The following FHIT variants were observed in gnomAD, a reference collection of about 807,000 sequenced individuals.
FHIT encodes bis(5'-adenosyl)-triphosphatase.
In FHIT, 19 loss-of-function variants were observed where a neutral mutation model predicts 17.9. The observed-to-expected ratio is 1.06, with a 90% CI of 0.74 to 1.56. FHIT has a LOEUF of 1.56. Ranked by LOEUF, FHIT falls within the 40% of genes most tolerant of loss-of-function variation. FHIT has a pLI of 0.00. For synonymous variants in FHIT, 81 were observed against 69.7 expected (o/e 1.16, Z -0.81); for missense variants, 248 against 189.2 (o/e 1.31, Z -1.82).
chr3:60,230,202 A>T (rs912945198), intron 5 of FHIT, among the ~76,000 whole-genome samples: 3 of 152,216 alleles, frequency 2.0e-5, no homozygotes, highest in African/African-American at 7.2e-5. Flanking sequence ...ACTGGCTGCC[A>T]TAATGAACAG....
intron 5 of FHIT, among the ~76,000 whole-genome samples, chr3:60,458,941 A>T (rs955681286): frequency 1.6e-5 from 2 of 126,318 alleles, no homozygotes; most frequent in East Asian, 4.8e-4. Context: ...ACACCTGGCT[A>T]ATTTGTCTTA....
chr3:60,334,874 A>G (rs1710159150), intron 5 of FHIT, among the ~76,000 whole-genome samples: 1 of 152,074 alleles, frequency 6.6e-6, no homozygotes, highest in African/African-American at 2.4e-5. Context: ...GCCTGTGTGT[A>G]TTTTTTTTCT....
intron 2 of FHIT, among the ~76,000 whole-genome samples, chr3:61,169,531 A>T (rs1440640807): frequency 5.3e-5 from 8 of 152,202 alleles, no homozygotes; most frequent in Non-Finnish European, 1.2e-4. Context: ...ATCTTTAAAA[A>T]CTTTAAATTT....
intron 3 of FHIT, among the ~76,000 whole-genome samples, chr3:61,034,780 G>A (rs1386387921): frequency 6.6e-6 from 1 of 152,062 alleles, no homozygotes; most frequent in African/African-American, 2.4e-5. Flanking sequence ...CTCACTGGTA[G>A]GTATATATCC....
chr3:61,195,242 CT>C (rs2038822813), intron 2 of FHIT, among the ~76,000 whole-genome samples: 2 of 151,822 alleles, frequency 1.3e-5, no homozygotes, highest in African/African-American at 4.8e-5. Context: ...TTGTCTACTT[CT>C]ATGGGACATA....
At chr3:60,526,163 C>A (rs931148663) in intron 5 of FHIT, among the ~76,000 whole-genome samples, 1 of 148,318 alleles carries the variant, frequency 6.7e-6, no homozygotes, top group Admixed American at 6.8e-5. Context: ...CACACACACA[C>A]AAACAGGTGA....
chr3:60,527,582 T>C (rs772143190), intron 5 of FHIT, among the ~76,000 whole-genome samples: 6 of 152,146 alleles, frequency 3.9e-5, no homozygotes, highest in Non-Finnish European at 5.9e-5. Flanking sequence ...TAGATGGCAG[T>C]GGAGAGTAAG....
At chr3:61,052,275 A>G (rs1337120592) in intron 2 of FHIT, among the ~76,000 whole-genome samples, 1 of 152,218 alleles carries the variant, frequency 6.6e-6, no homozygotes, top group Non-Finnish European at 1.5e-5. Flanking sequence ...CATCTCAACT[A>G]ATCCTAGCAG....
At chr3:60,067,390 A>T (rs1702563846) in intron 5 of FHIT, among the ~76,000 whole-genome samples, 1 of 152,248 alleles carries the variant, frequency 6.6e-6, no homozygotes, top group African/African-American at 2.4e-5. Context: ...CAGACTATGA[A>T]TGAATATATA....
chr3:60,309,807 G>A (rs1327881921), intron 5 of FHIT, among the ~76,000 whole-genome samples: 4 of 151,838 alleles, frequency 2.6e-5, no homozygotes, highest in South Asian at 4.2e-4. Flanking sequence ...ATACATCCTC[G>A]CAGCTCTCCA....
chr3:60,233,912 A>G (rs1482852803), intron 5 of FHIT, among the ~76,000 whole-genome samples: 4 of 152,114 alleles, frequency 2.6e-5, no homozygotes, highest in Non-Finnish European at 5.9e-5. Context: ...CATGAGTGTG[A>G]GGCCTCCCCA....
chr3:60,879,447 T>A lies in FHIT; in HGVS notation c.-110-57436A>T, dbSNP rs1704851168. On this transcript the variant is annotated intron_variant, in intron 3 of 9. Coordinates refer to ENST00000492590, the MANE Select transcript of FHIT (RefSeq NM_002012.4). ...TCTCTGCAAAAGCCACTCTAGAAAG[T>A]CTGGAAGAGGCAATTTTTCCACCAA... Among the ~76,000 whole-genome samples, 3 of 152,308 alleles carry A rather than the reference T, an allele frequency of 2.0e-5. No individual in the cohort carries two copies. In the South Asian group the frequency reaches 6.2e-4, roughly 32 times the overall value.
intron 4 of FHIT, among the ~76,000 whole-genome samples, chr3:60,660,019 G>C (rs1398260141): frequency 6.6e-6 from 1 of 152,120 alleles, no homozygotes; most frequent in Non-Finnish European, 1.5e-5. Context: ...CATCTTTTGT[G>C]AGCCTGCATC....
At chr3:60,051,960 C>T (rs1701897865) in intron 5 of FHIT, among the ~76,000 whole-genome samples, 1 of 152,146 alleles carries the variant, frequency 6.6e-6, no homozygotes, top group Non-Finnish European at 1.5e-5. Context: ...TCTCTACAGA[C>T]CCAATTTGGC....
intron 5 of FHIT, among the ~76,000 whole-genome samples, chr3:60,530,791 T>C (rs973591386): frequency 6.6e-6 from 1 of 152,340 alleles, no homozygotes; most frequent in East Asian, 1.9e-4. Context: ...TGGTGGATTT[T>C]AGACACTGAA....
At chr3:60,278,403 T>C (rs998312210) in intron 5 of FHIT, among the ~76,000 whole-genome samples, 1 of 152,112 alleles carries the variant, frequency 6.6e-6, no homozygotes, top group Admixed American at 6.5e-5. Flanking sequence ...CTGTCTAATG[T>C]CAGGGGACGA....
At chr3:60,457,879 T>G (rs1453118345) in intron 5 of FHIT, among the ~76,000 whole-genome samples, 1 of 151,976 alleles carries the variant, frequency 6.6e-6, no homozygotes, top group Non-Finnish European at 1.5e-5. Flanking sequence ...AAAACCACAA[T>G]GAGATACCAT....
chr3:60,373,318 G>C (rs778444491), intron 5 of FHIT, among the ~76,000 whole-genome samples: 5 of 152,164 alleles, frequency 3.3e-5, no homozygotes, highest in Non-Finnish European at 7.3e-5. Context: ...TTGAAGCTAA[G>C]ATATAAAGAA....
At chr3:60,092,593 G>T (rs186098316) in intron 5 of FHIT, among the ~76,000 whole-genome samples, 1 of 152,052 alleles carries the variant, frequency 6.6e-6, no homozygotes, top group Admixed American at 6.5e-5. Context: ...TCAGACCAAG[G>T]GTAAGTATGG....
Sources: gnomAD v4.1 joint callset for allele counts (sites outside exome capture counted in the v4.1 genomes callset) on GRCh38, gnomAD v4.1.1 for gene constraint, MANE v1.5 for transcripts, NCBI Gene and HGNC (gene_info 2026-07-23, HGNC 2026-07-21) for gene names.